ABCA8: variants seen among roughly 807,000 people sequenced by gnomAD.
The protein encoded by ABCA8 is ATP binding cassette subfamily A member 8.
A neutral mutation model predicts 192.3 loss-of-function variants in ABCA8; 177 were observed. The ratio of observed to expected loss-of-function variants is 0.92; its 90% CI spans 0.81 to 1.04. ABCA8 has a LOEUF of 1.04. ABCA8 is among the 50% of genes least tolerant of loss of function. The pLI, the probability that ABCA8 is intolerant of heterozygous loss-of-function variation, is 0.00. For missense variants in ABCA8, 1,915 were observed against 1,904.8 expected (o/e 1.01, Z -0.10); for synonymous variants, 642 against 690.2 (o/e 0.93, Z 1.09).
Position 68,875,642 on chromosome 17 carries a change from C to A in ABCA8, c.4462G>T (p.Val1488Leu). 1 of 1,614,170 alleles carries A rather than the reference C, an allele frequency of 6.2e-7. No homozygotes were observed. Among genetic ancestry groups the A allele is most frequent in the Non-Finnish European group, 8.5e-7 (1 of 1,180,020 alleles). ...MAEAEAVCDR[V>L]AIMVSGRLRC... The stretch of plus-strand genomic sequence containing the variant: ...AACCTCCCAGATACCATGATGGCCA[C>A]TCGGTCACACACGGCCTCAGCCTCT... The change falls in exon 36 of 40, where the codon GTG (valine) becomes TTG (leucine). Residue 1488 changes from valine (V) to leucine (L), a missense_variant. Transcript: ENST00000586539.
intron 35 of ABCA8, 105 bp downstream of exon 35, chr17:68,876,355 G>T: frequency 1.2e-5 from 16 of 1,293,602 alleles, no homozygotes; most frequent in African/African-American, 1.5e-5. Context: ...TAGTTTTTTT[G>T]TTCTCCACAA....
At chr17:68,936,870 G>T in intron 5 of ABCA8, 81 bp downstream of exon 5, 2 of 1,226,004 alleles carry the variant, frequency 1.6e-6, no homozygotes, top group Admixed American at 2.8e-5. Context: ...CTCTAATTTG[G>T]CATACTAACC....
Position 68,911,734 on chromosome 17 carries a change from TACACACACACACACACAC to T in ABCA8, c.2139-3873_2139-3856del, listed in dbSNP as rs60957466. Among the ~76,000 whole-genome samples, 1 of 143,980 alleles carries T rather than the reference TACACACACACACACACAC, an allele frequency of 6.9e-6. No individual in the cohort carries two copies. Among genetic ancestry groups the T allele is most frequent in the Non-Finnish European group, 1.5e-5 (1 of 65,280 alleles). The allele number at this position is 143,980 out of a possible 152,430, so 94.5% of individuals were successfully genotyped here. The stretch of plus-strand genomic sequence containing the variant: ...CCTCTGCCAGCTCCAGACAGCTCAA[TACACACACACACACACAC>T]ACACACACACACACACACTCCATTT... On this transcript the variant is annotated intron_variant, in intron 17 of 39. Coordinates refer to ENST00000586539, the MANE Select transcript of ABCA8 (RefSeq NM_001288985.2). The surrounding 1 kb of genome is among the most constrained non-coding windows in gnomAD (Gnocchi z 5.7).
intron 17 of ABCA8, among the ~76,000 whole-genome samples, chr17:68,915,705 A>AT: frequency 6.6e-6 from 1 of 152,178 alleles, no homozygotes; most frequent in Middle Eastern, 3.2e-3. Context: ...GCCACTATAG[A>AT]CAACGTTTTC....
At chr17:68,937,162 C>A in intron 4 of ABCA8, 47 bp from the exon 5 acceptor site, 1 of 1,476,398 alleles carries the variant, frequency 6.8e-7, no homozygotes, top group South Asian at 1.3e-5. Flanking sequence ...TACTAGGAGA[C>A]ACAACTTCAG....
At chr17:68,920,435 A>G (rs942280035) in intron 13 of ABCA8, among the ~76,000 whole-genome samples, 1 of 151,674 alleles carries the variant, frequency 6.6e-6, no homozygotes, top group African/African-American at 2.4e-5. Flanking sequence ...TAAATACCTT[A>G]TTGCTTAACA....
chr17:68,918,665 G>A, intron 14 of ABCA8, 119 bp from the exon 15 acceptor site: 1 of 1,024,156 alleles, frequency 9.8e-7, no homozygotes, highest in East Asian at 2.9e-5. Flanking sequence ...CAGGCGCGGT[G>A]GCTCATACCC....
intron 4 of ABCA8, among the ~76,000 whole-genome samples, chr17:68,939,191 G>A (rs893538349): frequency 2.6e-5 from 4 of 151,994 alleles, no homozygotes; most frequent in Admixed American, 6.6e-5. Context: ...CTTAGCCCTC[G>A]ACCCAGCCTA....
intron 38 of ABCA8, 69 bp from the exon 39 acceptor site, chr17:68,868,425 T>G: frequency 7.6e-7 from 1 of 1,310,400 alleles, no homozygotes; most frequent in Non-Finnish European, 1.1e-6. Flanking sequence ...CAGCATATAG[T>G]ACAAATGATA....
chr17:68,933,206 C>CA lies in ABCA8; in HGVS notation c.531dup (p.Val178CysfsTer8). On this transcript the variant is annotated frameshift_variant, in exon 6 of 40. Transcript: ENST00000586539. LOFTEE classifies it high-confidence loss of function. ...GCATTAATGGCAGCTTGAAGAGCCA[C>CA]AAAACCTTCCTTCCAAAATACTGAA... The CA allele has an allele frequency of 6.2e-7, 1 of 1,613,378 alleles. No individual in the cohort carries two copies. Among genetic ancestry groups the CA allele is most frequent in the Non-Finnish European group, 8.5e-7 (1 of 1,179,614 alleles).
At chr17:68,941,294 A>G (rs1035353865) in intron 3 of ABCA8, among the ~76,000 whole-genome samples, 1 of 152,104 alleles carries the variant, frequency 6.6e-6, no homozygotes, top group Non-Finnish European at 1.5e-5. Flanking sequence ...TCACATGCGA[A>G]CTCCCAATAA....
intron 17 of ABCA8, among the ~76,000 whole-genome samples, chr17:68,914,449 G>T (rs753870215): frequency 3.3e-5 from 5 of 152,152 alleles, no homozygotes; most frequent in African/African-American, 7.2e-5. Flanking sequence ...CAGTAAAGTT[G>T]CAGGTTACAA....
At chr17:68,953,594 T>A (rs1242608228) in intron 1 of ABCA8, among the ~76,000 whole-genome samples, 1 of 151,892 alleles carries the variant, frequency 6.6e-6, no homozygotes, top group Non-Finnish European at 1.5e-5. Flanking sequence ...GCAGACCAAG[T>A]AAAGAGGTCA....
At chr17:68,888,757 A>T (rs2066553394) in intron 24 of ABCA8, among the ~76,000 whole-genome samples, 1 of 152,198 alleles carries the variant, frequency 6.6e-6, no homozygotes, top group Non-Finnish European at 1.5e-5. Flanking sequence ...TTGGAGGTCA[A>T]ATTAGATACA....
At chr17:68,892,204 C>T (rs907081820) in intron 23 of ABCA8, among the ~76,000 whole-genome samples, 3 of 152,272 alleles carry the variant, frequency 2.0e-5, no homozygotes, top group African/African-American at 7.2e-5. Context: ...TTTCATGATT[C>T]TCATAGTTGC....
intron 21 of ABCA8, among the ~76,000 whole-genome samples, chr17:68,902,267 T>G (rs1442060985): frequency 1.3e-5 from 2 of 152,190 alleles, no homozygotes; most frequent in African/African-American, 2.4e-5. Flanking sequence ...AATGTAAATT[T>G]GTGATTGCTG....
intron 17 of ABCA8, 128 bp from the exon 18 acceptor site, chr17:68,908,007 C>T (rs2067127787): frequency 1.1e-6 from 1 of 895,224 alleles, no homozygotes; most frequent in Non-Finnish European, 1.5e-6. Flanking sequence ...ATAGGTCAGA[C>T]AAACACAAAA....
intron 9 of ABCA8, 95 bp from the exon 10 acceptor site, chr17:68,928,158 C>A: frequency 9.9e-7 from 1 of 1,005,832 alleles, no homozygotes; most frequent in Non-Finnish European, 1.4e-6. Context: ...CTACTTATTG[C>A]CTCATACTGA....
At chr17:68,950,936 C>T (rs150462330) in intron 1 of ABCA8, among the ~76,000 whole-genome samples, 1 of 152,106 alleles carries the variant, frequency 6.6e-6, no homozygotes. Context: ...CAGTTCTGAA[C>T]CTCAGCCTCC....
Sources: allele counts gnomAD v4.1 joint callset (sites outside exome capture counted in the v4.1 genomes callset), GRCh38; gene constraint gnomAD v4.1.1; non-coding constraint Gnocchi (gnomAD v3.1); transcripts MANE v1.5; gene names NCBI Gene and HGNC (gene_info 2026-07-23, HGNC 2026-07-21).